CKMT2: variants seen among roughly 807,000 people sequenced by gnomAD.
CKMT2 encodes the protein creatine kinase S-type, mitochondrial.
In CKMT2, 43 loss-of-function variants were observed where a neutral mutation model predicts 48.9. The ratio of observed to expected loss-of-function variants is 0.88; its 90% confidence interval spans 0.69 to 1.13. The LOEUF is 1.13. CKMT2 is among the 50% of genes most tolerant of loss of function. CKMT2 has a pLI of 0.00. For missense variants in CKMT2, 472 were observed against 555.4 expected (o/e 0.85, Z 1.51); for synonymous variants, 206 against 213.0 (o/e 0.97, Z 0.29).
Position 81,266,270 on chromosome 5 carries a change from C to T in CKMT2, c.*12C>T, listed in dbSNP as rs756343311. 4.3e-6 allele frequency: 7 copies of T among 1,611,724 alleles called. No homozygotes were observed. The highest frequency in any genetic ancestry group is 5.9e-6 in the Non-Finnish European group (7 of 1,178,266). On this transcript the variant is annotated 3_prime_UTR_variant, in exon 10 of 10. Transcript: ENST00000254035. ...TTGGCAAAAAGTAAACTTTCCCTTT[C>T]CCAATTTATAAATAATCTGTCTGCT...
chr5:81,261,877 T>C lies in CKMT2; in HGVS notation c.1015-1614T>C, dbSNP rs911544837. 3.9e-5 allele frequency among the ~76,000 whole-genome samples: 6 copies of C among 152,314 alleles called. No individual in the cohort carries two copies. The East Asian group carries it at 1.2e-3, about 29-fold the overall frequency. ...ATATGGAACCAAAAAGGAGCGCATATAGCCAAGTCAATCCTAAGCAAAAAG... is the reference window on the plus strand; with the variant it reads ...ATATGGAACCAAAAAGGAGCGCATACAGCCAAGTCAATCCTAAGCAAAAAG... On this transcript the variant is annotated intron_variant, in intron 8 of 9. Transcript: ENST00000254035.
rs747057295 is a variant in CKMT2 at position 81,251,262 on chromosome 5, C to G, written c.130C>G (p.Gln44Glu). 6.2e-7 allele frequency: 1 copy of G among 1,614,064 alleles called. No homozygotes were observed. Among genetic ancestry groups the G allele is most frequent in the Non-Finnish European group, 8.5e-7 (1 of 1,179,980 alleles). The part of the protein sequence containing the change: ...RQKVCAEVRE[Q>E]PRLFPPSADY... Reference sequence around the variant, plus strand: ...GAAAGTGTGTGCCGAGGTCCGGGAGCAGCCTAGGCTATTTCCTCCAAGGTA... The same window carrying G: ...GAAAGTGTGTGCCGAGGTCCGGGAGGAGCCTAGGCTATTTCCTCCAAGGTA... The change falls in exon 2 of 10, where the codon CAG becomes GAG. Residue 44 changes from glutamine to glutamate, a missense_variant. Coordinates refer to ENST00000254035, the MANE Select transcript of CKMT2 (RefSeq NM_001099735.2).
At chr5:81,266,072 T>C in intron 9 of CKMT2, 67 bp from the exon 10 acceptor site, 1 of 1,484,784 alleles carries the variant, frequency 6.7e-7, no homozygotes, top group Non-Finnish European at 9.3e-7. Flanking sequence ...ACAGTGCTGT[T>C]CCTGTTAATC....
chr5:81,244,292 C>A, intron 1 of CKMT2: 2 of 594,684 alleles, frequency 3.4e-6, no homozygotes, highest in Non-Finnish European at 4.2e-6. Context: ...CCTGCCCCTT[C>A]CTGGTGTGGG....
intron 7 of CKMT2, 149 bp from the exon 8 acceptor site, chr5:81,258,968 GTAT>G: frequency 1.5e-6 from 1 of 672,682 alleles, no homozygotes; most frequent in Non-Finnish European, 2.4e-6. Context: ...GGTAGGAGAG[GTAT>G]TATTTTCTCT....
intron 8 of CKMT2, among the ~76,000 whole-genome samples, chr5:81,261,494 T>C (rs780668325): frequency 6.6e-6 from 1 of 152,206 alleles, no homozygotes; most frequent in Non-Finnish European, 1.5e-5. Flanking sequence ...ATAAGCAACT[T>C]CATCAAAGTC....
In CKMT2 at chr5:81,259,230, C is replaced by G; in HGVS notation, c.990C>G (p.His330Gln). The G allele has an allele frequency of 1.9e-6, 3 of 1,614,010 alleles. No individual in the cohort carries two copies. Among genetic ancestry groups the G allele is most frequent in the Non-Finnish European group, 1.7e-6 (2 of 1,179,952 alleles). Residue 330 changes from histidine to glutamine, a missense_variant, in exon 8 of 10, where the codon CAC becomes CAG. Physicochemically the swap from His to Gln is conservative, Grantham distance 24 (BLOSUM62 0). Coordinates refer to ENST00000254035, the MANE Select transcript of CKMT2 (RefSeq NM_001099735.2). ...NLGTGLRAGV[H>Q]VRIPKLSKDP... is the part of the protein sequence containing the mutation. Reference sequence around the variant, plus strand: ...GAACAGGACTACGAGCTGGTGTCCACGTTAGGATCCCAAAGCTCAGCAAGG... The same window carrying G: ...GAACAGGACTACGAGCTGGTGTCCAGGTTAGGATCCCAAAGCTCAGCAAGG...
rs772325145 is a variant in CKMT2, at chr5:81,251,256, C to T, written c.124C>T (p.Arg42Trp). 6.8e-6 allele frequency: 11 copies of T among 1,614,088 alleles called. No individual in the cohort carries two copies. The highest frequency in any genetic ancestry group is 2.2e-5 in the East Asian group (1 of 44,872). ...LNRQKVCAEV[R>W]EQPRLFPPSA... ...CCGGCAGAAAGTGTGTGCCGAGGTC[C>T]GGGAGCAGCCTAGGCTATTTCCTCC... The change falls in exon 2 of 10, where the codon CGG becomes TGG. Residue 42 changes from arginine (R) to tryptophan (W), a missense_variant. Arg to Trp is a moderately radical substitution (Grantham distance 101). Coordinates refer to ENST00000254035, the MANE Select transcript of CKMT2 (RefSeq NM_001099735.2).
intron 3 of CKMT2, 87 bp downstream of exon 3, chr5:81,252,980 A>T (rs1048390968): frequency 7.0e-7 from 1 of 1,428,668 alleles, no homozygotes. Flanking sequence ...TTTCTTCTCT[A>T]TGGGGCCAAC....
At chr5:81,265,935 A>C (rs1757370330) in intron 9 of CKMT2, among the ~76,000 whole-genome samples, 1 of 152,196 alleles carries the variant, frequency 6.6e-6, no homozygotes, top group South Asian at 2.1e-4. Flanking sequence ...AAAAGCTTTC[A>C]CATACAAAGT....
intron 1 of CKMT2, among the ~76,000 whole-genome samples, chr5:81,241,253 C>G (rs557534670): frequency 5.9e-5 from 9 of 152,236 alleles, no homozygotes; most frequent in East Asian, 1.9e-4. Context: ...TCCTGCTCCT[C>G]GTGAATTCCA....
intron 2 of CKMT2, chr5:81,252,139 C>T (rs1194555813): frequency 6.2e-6 from 1 of 160,898 alleles, no homozygotes; most frequent in Non-Finnish European, 1.4e-5. Flanking sequence ...TTTCTCAGCC[C>T]TTGGAACCCT....
intron 1 of CKMT2, among the ~76,000 whole-genome samples, chr5:81,236,840 G>A (rs913304921): frequency 3.9e-5 from 6 of 152,296 alleles, no homozygotes; most frequent in South Asian, 2.1e-4. Context: ...AGTCTTGTCC[G>A]CAGAGATAGA....
At position 81,255,261 on chromosome 5, in the gene CKMT2, C is replaced by G. The variant is rs761412487; in HGVS notation, c.669+47C>G. 1.9e-6 allele frequency: 3 copies of G among 1,550,636 alleles called. No individual in the cohort carries two copies. In the Admixed American group the frequency reaches 5.2e-5, roughly 27 times the overall value. ...CTGGGGAAGGACTGGACCAAGGGCT[C>G]TGACCCGCACAGGAAGGCCTCTCCT... On this transcript the variant is annotated intron_variant, in intron 5 of 9. Coordinates refer to ENST00000254035, the MANE Select transcript of CKMT2 (RefSeq NM_001099735.2).
chr5:81,260,391 GA>G (rs1312154388), intron 8 of CKMT2, among the ~76,000 whole-genome samples: 5 of 152,122 alleles, frequency 3.3e-5, no homozygotes, highest in Non-Finnish European at 5.9e-5. Context: ...GAAGGAGATA[GA>G]GACACAAAGA....
chr5:81,264,176 A>G (rs1757321143), intron 9 of CKMT2, among the ~76,000 whole-genome samples: 1 of 152,232 alleles, frequency 6.6e-6, no homozygotes, highest in South Asian at 2.1e-4. Context: ...TGTGATGAAT[A>G]TGTAGGATGA....
chr5:81,247,072 C>T (rs992931621), intron 1 of CKMT2: 2 of 152,238 alleles, frequency 1.3e-5, no homozygotes, highest in African/African-American at 4.8e-5. Context: ...GTGGAGCCCA[C>T]AGTGAGGGTG....
intron 4 of CKMT2, 46 bp downstream of exon 4, chr5:81,254,537 G>T (rs761016053): frequency 8.4e-6 from 13 of 1,549,278 alleles, no homozygotes; most frequent in Non-Finnish European, 2.7e-6. Flanking sequence ...TGGCACTCCT[G>T]AGCCCAAGGG....
chr5:81,239,791 G>T (rs1756374314), intron 1 of CKMT2, among the ~76,000 whole-genome samples: 1 of 151,680 alleles, frequency 6.6e-6, no homozygotes, highest in African/African-American at 2.4e-5. Context: ...CCAGCAGAGG[G>T]CCGTGGTTAA....
Sources: allele counts gnomAD v4.1 joint callset (sites outside exome capture counted in the v4.1 genomes callset), GRCh38; gene constraint gnomAD v4.1.1; transcripts MANE v1.5; gene names NCBI Gene and HGNC (gene_info 2026-07-23, HGNC 2026-07-21).